YME1L1: variants seen among roughly 807,000 people sequenced by gnomAD.
The protein encoded by YME1L1 is YME1 like 1 ATPase.
A neutral mutation model predicts 90.4 loss-of-function variants in YME1L1; 39 were observed. The observed-to-expected ratio is 0.43, with a 90% CI of 0.33 to 0.56. YME1L1 has a LOEUF of 0.56. Ranked by LOEUF, YME1L1 falls within the 20% of genes least tolerant of loss-of-function variation. YME1L1 has a pLI of 0.03. For synonymous variants in YME1L1, 284 were observed against 287.3 expected, an observed-to-expected ratio of 0.99 and a Z score of 0.12; for missense variants, 617 against 868.4, an observed-to-expected ratio of 0.71 and a Z score of 3.64.
intron 2 of YME1L1, 130 bp from the exon 3 acceptor site, chr10:27,145,720 A>C: frequency 8.8e-6 from 7 of 797,848 alleles, no homozygotes; most frequent in Non-Finnish European, 1.3e-5. Flanking sequence ...TTTAATATTT[A>C]AAAATAAATT....
chr10:27,151,880 T>TA (rs66765649), intron 1 of YME1L1, among the ~76,000 whole-genome samples: 212 of 137,098 alleles, frequency 1.5e-3, no homozygotes, highest in Admixed American at 3.3e-3. Flanking sequence ...GACTCCATCT[T>TA]AAAAAAAAAA....
At chr10:27,139,160 CGT>C (rs1211196085) in intron 4 of YME1L1, among the ~76,000 whole-genome samples, 2 of 151,984 alleles carry the variant, frequency 1.3e-5, no homozygotes, top group Admixed American at 1.3e-4. Flanking sequence ...GTCGTGCTTG[CGT>C]GTGTATATAC....
chr10:27,118,881 A>G (rs1289380507), intron 14 of YME1L1, among the ~76,000 whole-genome samples: 1 of 152,222 alleles, frequency 6.6e-6, no homozygotes, highest in African/African-American at 2.4e-5. Flanking sequence ...GTTTAACTAT[A>G]TAATTACATA....
intron 1 of YME1L1, among the ~76,000 whole-genome samples, chr10:27,151,385 C>A (rs1330625432): frequency 6.6e-6 from 1 of 152,160 alleles, no homozygotes; most frequent in Non-Finnish European, 1.5e-5. Context: ...GAGGTGGGAC[C>A]TTTAAGAGGC....
chr10:27,123,772 A>G, intron 9 of YME1L1, 73 bp from the exon 10 acceptor site: 1 of 1,420,888 alleles, frequency 7.0e-7, no homozygotes, highest in Non-Finnish European at 9.4e-7. Flanking sequence ...TATAAAATAA[A>G]TAATTATTCA....
chr10:27,125,458 G>GGAAAAAAAAAAAAAA (rs534522674), intron 9 of YME1L1, among the ~76,000 whole-genome samples: 4 of 107,710 alleles, frequency 3.7e-5, no homozygotes, highest in Non-Finnish European at 5.3e-5. Flanking sequence ...TGTTTCATTT[G>GGAAAAAAAAAAAAAA]AAAAAAAAAA....
Position 27,145,536 on chromosome 10 carries a change from C to A in YME1L1, c.223G>T (p.Asp75Tyr). The A allele has an allele frequency of 6.2e-7, 1 of 1,613,548 alleles. No individual in the cohort carries two copies. The highest frequency in any genetic ancestry group is 1.1e-5 in the South Asian group (1 of 91,040). The change falls in exon 3 of 19, where the codon GAT (aspartate) becomes TAT (tyrosine). Residue 75 changes from aspartate (D) to tyrosine (Y), a missense_variant. Coordinates refer to ENST00000376016, the MANE Select transcript of YME1L1 (RefSeq NM_014263.4). ...GLSELKIGQI[D>Y]QLVENLLPGF... Reference sequence around the variant, plus strand: ...GGAAGTAGATTTTCTACCAGCTGATCAATCTGTCCAATTTTTAGTTCAGAT... The same window carrying A: ...GGAAGTAGATTTTCTACCAGCTGATAAATCTGTCCAATTTTTAGTTCAGAT...
chr10:27,119,742 G>C (rs1280216411), intron 13 of YME1L1, among the ~76,000 whole-genome samples: 1 of 151,714 alleles, frequency 6.6e-6, no homozygotes, highest in Non-Finnish European at 1.5e-5. Context: ...CCGGGAGGTG[G>C]AGGTTGCAGT....
At chr10:27,142,641 A>G (rs2057101031) in intron 3 of YME1L1, among the ~76,000 whole-genome samples, 156 bp from the exon 4 acceptor site, 1 of 152,258 alleles carries the variant, frequency 6.6e-6, no homozygotes. Flanking sequence ...GAAAGTATCT[A>G]AAGCATCGCT....
At chr10:27,121,511 C>T (rs1013119010) in intron 11 of YME1L1, 63 bp from the exon 12 acceptor site, 2 of 1,192,422 alleles carry the variant, frequency 1.7e-6, no homozygotes, top group Non-Finnish European at 2.5e-6. Flanking sequence ...TGTAGAAATG[C>T]TCTACACAAA....
At position 27,121,472 on chromosome 10, in the gene YME1L1, C is replaced by A. The variant is rs1753410; in HGVS notation, c.1236-24G>T. ...AACTATATTGGAAAAAAAATAGTAT[C>A]TTTTACTAACACTGAAGCACAGCAC... On this transcript the variant is annotated intron_variant, in intron 11 of 18. Coordinates refer to ENST00000376016, the MANE Select transcript of YME1L1 (RefSeq NM_014263.4). 1,971 of 1,468,448 alleles carry A rather than the reference C, an allele frequency of 1.3e-3. 27 individuals carry two copies. In the African/African-American group the frequency reaches 0.024, roughly 18 times the overall value. 91.0% of individuals were successfully genotyped at this position (1,468,448 alleles called of 1,614,324 possible). A position where few individuals can be genotyped will look rare whatever the true frequency, so the allele number is the denominator to read the frequency against.
chr10:27,122,853 G>A lies in YME1L1; in HGVS notation c.1223C>T (p.Ala408Val). 6.2e-7 allele frequency: 1 copy of A among 1,613,152 alleles called. No homozygotes were observed. The highest frequency in any genetic ancestry group is 8.5e-7 in the Non-Finnish European group (1 of 1,179,614). ...AAGACTCAATTACCCATCCATTTCA[G>A]CAAGAAGTTGATTTATGGTCTGCCT... ...YSRQTINQLL[A>V]EMDGFKPNEG... The change falls in exon 11 of 19, where the codon GCT becomes GTT. Residue 408 changes from alanine to valine, a missense_variant. Ala to Val is a moderately conservative substitution (Grantham distance 64). Around this residue, in one of 4 missense-constraint regions of YME1L1, gnomAD observed 93 missense variants for 184.8 expected, o/e 0.50. Coordinates refer to ENST00000376016, the MANE Select transcript of YME1L1 (RefSeq NM_014263.4).
intron 1 of YME1L1, among the ~76,000 whole-genome samples, chr10:27,150,816 T>A (rs1052907332): frequency 2.0e-5 from 3 of 152,104 alleles, no homozygotes; most frequent in Admixed American, 6.5e-5. Flanking sequence ...ACTGTAGGTA[T>A]CCTTCGTGGA....
rs372715878 is a variant in YME1L1, at chr10:27,132,163, C to T, written c.776-222G>A. Among the ~76,000 whole-genome samples, 215 of 152,234 alleles carry T rather than the reference C, an allele frequency of 1.4e-3. 1 individual carries two copies. Among genetic ancestry groups the T allele is most frequent in the African/African-American group, 5.1e-3 (210 of 41,562 alleles). ...GTTACCAGGCTGGAGTGCAGCGGCA[C>T]GATCTTGGCTCACTGCAACCTCAAC... On this transcript the variant is annotated intron_variant, in intron 7 of 18. Transcript: ENST00000376016.
In YME1L1 at chr10:27,134,999, A is replaced by C. The variant is rs766380030; in HGVS notation, c.541-18T>G. On this transcript the variant is annotated intron_variant, in intron 5 of 18. Transcript: ENST00000376016. ...AGAAACCCCTGAATACACAAACAAC[A>C]CATCAGTACTGGTTAACAACACAGT... The C allele has an allele frequency of 1.2e-6, 2 of 1,607,864 alleles. No homozygotes were observed. Among genetic ancestry groups the C allele is most frequent in the Admixed American group, 3.3e-5 (2 of 59,704 alleles).
intron 9 of YME1L1, 78 bp from the exon 10 acceptor site, chr10:27,123,777 T>C: frequency 7.2e-7 from 1 of 1,388,908 alleles, no homozygotes; most frequent in Non-Finnish European, 9.6e-7. Flanking sequence ...AATAAATAAT[T>C]ATTCATTTAT....
chr10:27,112,255 C>A (rs901554138), intron 18 of YME1L1, 135 bp from the exon 19 acceptor site: 7 of 826,178 alleles, frequency 8.5e-6, no homozygotes, highest in African/African-American at 6.9e-5. Context: ...CATGTAGAAT[C>A]TTGATTCTAC....
At chr10:27,154,048 C>T in intron 1 of YME1L1, 130 bp downstream of exon 1, 1 of 1,229,674 alleles carries the variant, frequency 8.1e-7, no homozygotes, top group Non-Finnish European at 1.2e-6. Context: ...ACTCCTCAAT[C>T]CTGGGATTCG....
Position 27,111,593 on chromosome 10 carries a change from C to T in YME1L1, c.*384G>A. 1 of 263,870 alleles carries T rather than the reference C, an allele frequency of 3.8e-6. No individual in the cohort carries two copies. Among genetic ancestry groups the T allele is most frequent in the South Asian group, 4.0e-5 (1 of 25,240 alleles). 16.3% of individuals were successfully genotyped at this position (263,870 alleles called of 1,614,324 possible). A position where few individuals can be genotyped will look rare whatever the true frequency, so the allele number is the denominator to read the frequency against. On this transcript the variant is annotated 3_prime_UTR_variant, in exon 19 of 19. Coordinates refer to ENST00000376016, the MANE Select transcript of YME1L1 (RefSeq NM_014263.4). ...TATTTTATTCATGGTCAATCTGGAA[C>T]ATAATTACTGCATCTTAAGTTTCCA...
Sources: allele counts gnomAD v4.1 joint callset (sites outside exome capture counted in the v4.1 genomes callset), GRCh38; gene constraint gnomAD v4.1.1; regional missense constraint gnomAD v4.1.1; transcripts MANE v1.5; gene names NCBI Gene and HGNC (gene_info 2026-07-23, HGNC 2026-07-21).